Variants in RIMKLA observed in about 807,000 individuals in gnomAD.
The protein encoded by RIMKLA is ribosomal modification protein rimK like family member A, also known as N-acetylaspartylglutamate synthase A.
RIMKLA carries 14 observed loss-of-function variants against 32.7 expected under a neutral mutation model. The ratio of observed to expected loss-of-function variants is 0.43; its 90% CI spans 0.28 to 0.67. The LOEUF (loss-of-function observed/expected upper bound fraction) is 0.67. RIMKLA is among the 30% of genes least tolerant of loss of function. The probability of loss-of-function intolerance (pLI) is 0.18; values close to 1 mark genes in which losing one functional copy is unlikely to be tolerated. For synonymous variants in RIMKLA, 176 were observed against 204.1 expected (o/e 0.86, Z 1.18); for missense variants, 410 against 519.0 (o/e 0.79, Z 2.04).
chr1:42,395,097 GA>G (rs1318212026), intron 1 of RIMKLA, among the ~76,000 whole-genome samples: 3 of 152,172 alleles, frequency 2.0e-5, no homozygotes, highest in African/African-American at 7.2e-5. Flanking sequence ...TGTTCTTTGG[GA>G]AAAGTTATCC....
chr1:42,402,092 C>T (rs546494351), intron 2 of RIMKLA, among the ~76,000 whole-genome samples: 5 of 152,308 alleles, frequency 3.3e-5, no homozygotes, highest in South Asian at 2.1e-4. Context: ...CCCCTAATTA[C>T]GTTCACGGCC....
intron 1 of RIMKLA, among the ~76,000 whole-genome samples, chr1:42,390,506 G>C (rs1374552092): frequency 3.3e-5 from 5 of 152,162 alleles, no homozygotes; most frequent in African/African-American, 1.2e-4. Context: ...GGAGGGGTTG[G>C]TCTAAGCTAG....
intron 4 of RIMKLA, among the ~76,000 whole-genome samples, chr1:42,412,208 A>C (rs1643204264): frequency 2.0e-5 from 3 of 152,208 alleles, no homozygotes; most frequent in Admixed American, 1.3e-4. Context: ...ACCTGAGAAT[A>C]CAATTCTTAA....
intron 1 of RIMKLA, among the ~76,000 whole-genome samples, chr1:42,387,454 T>C (rs1642960430): frequency 6.6e-6 from 1 of 152,198 alleles, no homozygotes; most frequent in Non-Finnish European, 1.5e-5. Flanking sequence ...TTAGATTACT[T>C]TGTGTTGAGG....
In RIMKLA at chr1:42,419,914, T is replaced by G. The variant is rs1643280999; in HGVS notation, c.*4940T>G. 1 of 152,240 alleles carries G rather than the reference T, an allele frequency of 6.6e-6. No individual in the cohort carries two copies. Among genetic ancestry groups the G allele is most frequent in the Non-Finnish European group, 1.5e-5 (1 of 68,044 alleles). 9.4% of individuals were successfully genotyped at this position (152,240 alleles called of 1,614,324 possible). On this transcript the variant is annotated 3_prime_UTR_variant, in exon 5 of 5. Transcript: ENST00000431473. Reference sequence around the variant, plus strand: ...CAGAATGTCCTGGAAACCAAGGGTTTGCAGCTCCTAAACCTATTGCATTAG... The same window carrying G: ...CAGAATGTCCTGGAAACCAAGGGTTGGCAGCTCCTAAACCTATTGCATTAG...
At chr1:42,384,509 A>G (rs760136131) in intron 1 of RIMKLA, among the ~76,000 whole-genome samples, 6 of 147,366 alleles carry the variant, frequency 4.1e-5, no homozygotes, top group Non-Finnish European at 8.9e-5. Context: ...ACATGTATAT[A>G]TGTATATATG....
chr1:42,410,050 A>C lies in RIMKLA; in HGVS notation c.548A>C (p.Asp183Ala). The change falls in exon 4 of 5, where the codon GAT becomes GCT. Residue 183 changes from aspartate (D) to alanine (A), a missense_variant. Physicochemically the swap from Asp to Ala is moderately radical, Grantham distance 126. Transcript: ENST00000431473. Reference protein sequence around the residue: ...LSDICHLIRHDVPYLFQKYVK... With the variant: ...LSDICHLIRHAVPYLFQKYVK... The stretch of plus-strand genomic sequence containing the variant: ...GACATCTGCCATCTGATCCGCCACG[A>C]TGTGCCCTACCTGTTCCAGAAGTAC... 6.2e-7 allele frequency: 1 copy of C among 1,614,182 alleles called. No individual in the cohort carries two copies. Among genetic ancestry groups the C allele is most frequent in the Non-Finnish European group, 8.5e-7 (1 of 1,180,022 alleles).
intron 3 of RIMKLA, among the ~76,000 whole-genome samples, chr1:42,405,338 T>C (rs2148392224): frequency 6.6e-6 from 1 of 152,334 alleles, no homozygotes; most frequent in African/African-American, 2.4e-5. Flanking sequence ...CTCCTTTCTT[T>C]ACTAGACTGC....
Position 42,414,526 on chromosome 1 carries a change from A to G in RIMKLA, c.728A>G (p.Gln243Arg). The G allele has an allele frequency of 6.2e-7, 1 of 1,614,220 alleles. No homozygotes were observed. The highest frequency in any genetic ancestry group is 1.1e-5 in the South Asian group (1 of 91,084). The change falls in exon 5 of 5, where the codon CAG becomes CGG. Residue 243 changes from glutamine to arginine, a missense_variant. Physicochemically the swap from Gln to Arg is conservative, Grantham distance 43. Coordinates refer to ENST00000431473, the MANE Select transcript of RIMKLA (RefSeq NM_173642.4). ...TGTCCGCTGACAGAACAAGGCAAGC[A>G]GTTGGCTATTCAGGTGTCCAACATC... ...VKCPLTEQGKQLAIQVSNILG... is the reference protein window; with the variant it reads ...VKCPLTEQGKRLAIQVSNILG...
chr1:42,404,984 A>G (rs1643131042), intron 3 of RIMKLA, among the ~76,000 whole-genome samples: 1 of 152,188 alleles, frequency 6.6e-6, no homozygotes, highest in Non-Finnish European at 1.5e-5. Flanking sequence ...GCCCTGTACA[A>G]ACAGCCTCAG....
At chr1:42,385,246 G>A (rs1642926186) in intron 1 of RIMKLA, among the ~76,000 whole-genome samples, 1 of 152,172 alleles carries the variant, frequency 6.6e-6, no homozygotes, top group Non-Finnish European at 1.5e-5. Flanking sequence ...GAGCTAAGGA[G>A]CTTCTGTGTG....
chr1:42,385,933 T>A (rs1642942789), intron 1 of RIMKLA, among the ~76,000 whole-genome samples: 1 of 144,800 alleles, frequency 6.9e-6, no homozygotes, highest in Admixed American at 7.1e-5. Flanking sequence ...TTTCTTTCTT[T>A]CTTTTTGAGA....
intron 2 of RIMKLA, among the ~76,000 whole-genome samples, chr1:42,400,738 T>C (rs1228463847): frequency 3.3e-5 from 5 of 152,276 alleles, no homozygotes; most frequent in Admixed American, 1.3e-4. Context: ...CTGTAGTACA[T>C]GCAAGTAAAA....
At position 42,418,093 on chromosome 1, in the gene RIMKLA, T is replaced by C. The variant is rs1199156784; in HGVS notation, c.*3119T>C. The C allele has an allele frequency of 6.6e-6, 1 of 152,188 alleles. No individual in the cohort carries two copies. Among genetic ancestry groups the C allele is most frequent in the African/African-American group, 2.4e-5 (1 of 41,432 alleles). The allele number at this position is 152,188 out of a possible 1,614,324, so 9.4% of individuals were successfully genotyped here. On this transcript the variant is annotated 3_prime_UTR_variant, in exon 5 of 5. Transcript: ENST00000431473. ...GGCTCTTTGTGTATTCAGACAGCCTTCTGGATGTATCGTATATAACCTGAA... is the reference window on the plus strand; with the variant it reads ...GGCTCTTTGTGTATTCAGACAGCCTCCTGGATGTATCGTATATAACCTGAA...
chr1:42,385,246 GC>G (rs1474629148), intron 1 of RIMKLA, among the ~76,000 whole-genome samples: 1 of 152,172 alleles, frequency 6.6e-6, no homozygotes, highest in Non-Finnish European at 1.5e-5. Context: ...GAGCTAAGGA[GC>G]TTCTGTGTGG....
intron 4 of RIMKLA, among the ~76,000 whole-genome samples, chr1:42,412,181 A>G (rs1643204085): frequency 6.6e-6 from 1 of 152,148 alleles, no homozygotes; most frequent in Admixed American, 6.5e-5. Flanking sequence ...TGTTAAGGTA[A>G]AGACACTAGT....
At chr1:42,411,350 AGAG>A (rs1275968892) in intron 4 of RIMKLA, among the ~76,000 whole-genome samples, 1 of 148,786 alleles carries the variant, frequency 6.7e-6, no homozygotes, top group African/African-American at 2.5e-5. Context: ...AAAAAAAAAA[AGAG>A]AGATAATTAT....
At position 42,380,908 on chromosome 1, in the gene RIMKLA, C is replaced by T. The variant is rs1309589073; in HGVS notation, c.-27C>T. 1 of 1,312,680 alleles carries T rather than the reference C, an allele frequency of 7.6e-7. No individual in the cohort carries two copies. The highest frequency in any genetic ancestry group is 1.5e-5 in the African/African-American group (1 of 65,306). 81.3% of individuals were successfully genotyped at this position (1,312,680 alleles called of 1,614,324 possible). On this transcript the variant is annotated 5_prime_UTR_variant, in exon 1 of 5. Transcript: ENST00000431473. ...GCCCGGGGCGCCGAGGGGTCCGCGCCGCGCGGGGCGCACCGCCCTGGCCGC... is the reference window on the plus strand; with the variant it reads ...GCCCGGGGCGCCGAGGGGTCCGCGCTGCGCGGGGCGCACCGCCCTGGCCGC...
rs1054782449 is a variant in RIMKLA, at chr1:42,415,241, G to A, written c.*267G>A. 4.0e-5 allele frequency: 15 copies of A among 371,814 alleles called. No individual in the cohort carries two copies. The highest frequency in any genetic ancestry group is 2.7e-4 in the African/African-American group (13 of 48,658). 23.0% of individuals were successfully genotyped at this position (371,814 alleles called of 1,614,324 possible). A position where few individuals can be genotyped will look rare whatever the true frequency, so the allele number is the denominator to read the frequency against. On this transcript the variant is annotated 3_prime_UTR_variant, in exon 5 of 5. Transcript: ENST00000431473. ...TGAGCACGTGGATATTACGGCTGAC[G>A]CTAAGGCACTGACTCTGCTGTTGCT...
Sources: allele counts gnomAD v4.1 joint callset (sites outside exome capture counted in the v4.1 genomes callset), GRCh38; gene constraint gnomAD v4.1.1; transcripts MANE v1.5; gene names NCBI Gene and HGNC (gene_info 2026-07-23, HGNC 2026-07-21).